The following DMD variants were observed in gnomAD, a reference collection of about 807,000 sequenced individuals.
DMD encodes mutant dystrophin.
DMD carries 63 observed loss-of-function variants against 330.1 expected under a neutral mutation model. That is an observed-to-expected ratio of 0.19 (90% confidence interval 0.16 to 0.24). The LOEUF (loss-of-function observed/expected upper bound fraction) is 0.24, where lower values mean the gene tolerates loss of function less well. DMD is among the 10% of genes least tolerant of loss of function. The pLI is 1.00. For synonymous variants in DMD, 1,223 were observed against 959.8 expected (o/e 1.27, Z -5.07); for missense variants, 3,344 against 2,684.1 (o/e 1.25, Z -5.43).
At chrX:31,781,914 C>T (rs1422317841) in intron 50 of DMD, among the ~76,000 whole-genome samples, 1 of 111,610 alleles carries the variant, frequency 9.0e-6, no homozygotes, top group Non-Finnish European at 1.9e-5. Flanking sequence ...TTCCATCTCT[C>T]CCTACCCACC....
At chrX:31,881,330 A>G (rs1205468878) in intron 47 of DMD, among the ~76,000 whole-genome samples, 1 of 108,646 alleles carries the variant, frequency 9.2e-6, no homozygotes, top group Non-Finnish European at 1.9e-5. Flanking sequence ...AGGCGGGTGG[A>G]TCACAAGGTC....
Position 32,435,229 on chromosome X carries a change from T to C in DMD, c.4071+3012A>G, listed in dbSNP as rs758423355. 2.3e-3 allele frequency among the ~76,000 whole-genome samples: 238 copies of C among 101,791 alleles called. 1 individual carries two copies. Among genetic ancestry groups the C allele is most frequent in the African/African-American group, 7.8e-3 (223 of 28,534 alleles). 88.4% of individuals were successfully genotyped at this position (101,791 alleles called of 115,157 possible). A position where few individuals can be genotyped will look rare whatever the true frequency, so the allele number is the denominator to read the frequency against. On this transcript the variant is annotated intron_variant, in intron 29 of 78. Transcript: ENST00000357033. ...TCAGTGGGATATATATATATGTATA[T>C]TTACATATTTTTAAATATATATTTA...
intron 48 of DMD, among the ~76,000 whole-genome samples, chrX:31,866,597 G>T (rs896254686): frequency 9.8e-5 from 11 of 112,043 alleles, no homozygotes; most frequent in African/African-American, 3.6e-4. Context: ...TGAAATACTG[G>T]TATATGACAA....
chrX:31,490,554 C>CA (rs897943771), intron 57 of DMD, among the ~76,000 whole-genome samples: 71 of 103,739 alleles, frequency 6.8e-4, no homozygotes, highest in African/African-American at 2.3e-3. Context: ...GACTCCATCT[C>CA]AAAAAAAAAT....
chrX:33,123,202 G>C (rs1313340191), intron 1 of DMD, among the ~76,000 whole-genome samples: 1 of 111,852 alleles, frequency 8.9e-6, no homozygotes, highest in Admixed American at 9.5e-5. Flanking sequence ...ACGTAGGTTA[G>C]TGTAAGTACA....
chrX:32,789,084 T>C (rs1182214943), intron 7 of DMD, among the ~76,000 whole-genome samples: 1 of 112,165 alleles, frequency 8.9e-6, no homozygotes, highest in Non-Finnish European at 1.9e-5. Context: ...AGTACCATTC[T>C]ATCACAAACA....
chrX:32,760,545 C>T (rs2072143671), intron 7 of DMD, among the ~76,000 whole-genome samples: 1 of 111,583 alleles, frequency 9.0e-6, no homozygotes, highest in Admixed American at 9.5e-5. Context: ...AGATTAGAGA[C>T]ATTTGTTTCC....
At chrX:31,864,625 G>T (rs1603503733) in intron 48 of DMD, among the ~76,000 whole-genome samples, 2 of 108,918 alleles carry the variant, frequency 1.8e-5, no homozygotes, top group Admixed American at 2.0e-4. Context: ...AGGTAGCTGG[G>T]ACTACAGGTG....
At chrX:31,726,675 T>C (rs900254583) in intron 52 of DMD, among the ~76,000 whole-genome samples, 10 of 112,092 alleles carry the variant, frequency 8.9e-5, no homozygotes, top group African/African-American at 3.2e-4. Flanking sequence ...AACTGAAGTG[T>C]AGCAGGGCTG....
In DMD at chrX:31,264,350, A is replaced by G. The variant is rs767950193; in HGVS notation, c.9225-3334T>C. ...TCTCCACATCGGAAATACACTCCCC[A>G]TATACCATGAACAACCAAAAGGGAA... On this transcript the variant is annotated intron_variant, in intron 62 of 78. Transcript: ENST00000357033. Among the ~76,000 whole-genome samples the G allele has an allele frequency of 2.7e-5, 3 of 112,092 alleles. No individual in the cohort carries two copies. The South Asian group carries it at 1.1e-3, about 42-fold the overall frequency.
intron 48 of DMD, among the ~76,000 whole-genome samples, chrX:31,852,096 G>A (rs941107018): frequency 9.0e-6 from 1 of 111,156 alleles, no homozygotes; most frequent in Non-Finnish European, 1.9e-5. Context: ...GAGGAGGATA[G>A]GTCCTGCATC....
At chrX:32,987,565 G>A (rs1169408585) in intron 2 of DMD, among the ~76,000 whole-genome samples, 1 of 111,225 alleles carries the variant, frequency 9.0e-6, no homozygotes, top group African/African-American at 3.3e-5. Context: ...TTCATTCCAT[G>A]TTAACCCACA....
chrX:32,596,229 A>G (rs2055509678), intron 12 of DMD, among the ~76,000 whole-genome samples: 1 of 109,693 alleles, frequency 9.1e-6, no homozygotes, highest in Non-Finnish European at 1.9e-5. Flanking sequence ...CTCCATTACC[A>G]TAAAAATAAA....
intron 1 of DMD, among the ~76,000 whole-genome samples, chrX:33,280,328 TTTTAA>T (rs1354038009): frequency 8.9e-6 from 1 of 112,286 alleles, no homozygotes; most frequent in Non-Finnish European, 1.9e-5. Context: ...AAGTTTTTTA[TTTTAA>T]TGAGGTTCAC....
chrX:31,840,413 A>G (rs1371308709), intron 48 of DMD, among the ~76,000 whole-genome samples: 1 of 111,166 alleles, frequency 9.0e-6, no homozygotes, highest in Non-Finnish European at 1.9e-5. Flanking sequence ...ATAAATACAC[A>G]TATCAACATA....
chrX:31,213,662 A>C (rs1005662446), intron 64 of DMD, among the ~76,000 whole-genome samples: 1 of 111,682 alleles, frequency 9.0e-6, no homozygotes, highest in Non-Finnish European at 1.9e-5. Context: ...GGTATATTGC[A>C]TCCTTTTTCT....
chrX:32,954,876 TC>T (rs1364786829), intron 2 of DMD, among the ~76,000 whole-genome samples: 1 of 111,795 alleles, frequency 8.9e-6, no homozygotes. Flanking sequence ...ATGGTCTCAT[TC>T]TTTCTTATGG....
In DMD at chrX:32,930,059, G is replaced by A. The variant is rs138360732; in HGVS notation, c.94-80239C>T. 2.8e-3 allele frequency among the ~76,000 whole-genome samples: 311 copies of A among 111,585 alleles called. 1 individual carries two copies. The highest frequency in any genetic ancestry group is 4.1e-3 in the Non-Finnish European group (219 of 53,163). ...GAAAATGCATTTGATACACCTAACA[G>A]ACTGTACATCATAGGTTAGCCTAGC... On this transcript the variant is annotated intron_variant, in intron 2 of 78. Transcript: ENST00000357033.
At chrX:33,127,998 A>C in intron 1 of DMD, 1 of 1,094,652 alleles carries the variant, frequency 9.1e-7, no homozygotes. Context: ...CTTTTATAGA[A>C]AGGCATATGG....
Sources: allele counts gnomAD v4.1 joint callset (sites outside exome capture counted in the v4.1 genomes callset), GRCh38; gene constraint gnomAD v4.1.1; transcripts MANE v1.5; gene names NCBI Gene and HGNC (gene_info 2026-07-23, HGNC 2026-07-21).